DLGAP1: variants seen among roughly 807,000 people sequenced by gnomAD.
The protein encoded by DLGAP1 is DLG associated protein 1.
DLGAP1 carries 11 observed loss-of-function variants against 90.8 expected under a neutral mutation model. That is an observed-to-expected ratio of 0.12 (90% CI 0.08 to 0.20). The LOEUF is 0.20. DLGAP1 is among the 10% of genes least tolerant of loss of function. The probability of loss-of-function intolerance (pLI) is 1.00; values close to 1 mark genes in which losing one functional copy is unlikely to be tolerated. For synonymous variants in DLGAP1, 558 were observed against 540.7 expected, an observed-to-expected ratio of 1.03 and a Z score of -0.44; for missense variants, 1,050 against 1,333.8, an observed-to-expected ratio of 0.79 and a Z score of 3.31.
intron 2 of DLGAP1, among the ~76,000 whole-genome samples, chr18:4,083,961 T>TA (rs2075647762): frequency 6.6e-6 from 1 of 152,106 alleles, no homozygotes; most frequent in African/African-American, 2.4e-5. Flanking sequence ...TGCCTTAGTG[T>TA]ACTGGAAAAA....
intron 1 of DLGAP1, among the ~76,000 whole-genome samples, chr18:4,437,755 C>A (rs12327441): frequency 0.091 from 13,810 of 152,062 alleles, 718 homozygotes; most frequent in Middle Eastern, 0.22. Flanking sequence ...TATATGCAAA[C>A]CTGGCATTTC....
intron 8 of DLGAP1, among the ~76,000 whole-genome samples, chr18:3,576,921 G>A (rs943561748): frequency 2.7e-5 from 4 of 150,382 alleles, no homozygotes; most frequent in African/African-American, 9.8e-5. Flanking sequence ...GGAGTGCAAT[G>A]GCACAATCTC....
chr18:3,583,690 G>C (rs952359977), intron 7 of DLGAP1, among the ~76,000 whole-genome samples: 3 of 152,186 alleles, frequency 2.0e-5, no homozygotes, highest in African/African-American at 7.2e-5. Context: ...GCTCTCGCCT[G>C]TAATCCCAGC....
intron 4 of DLGAP1, among the ~76,000 whole-genome samples, chr18:3,861,771 T>C (rs947703484): frequency 1.3e-5 from 2 of 152,242 alleles, no homozygotes; most frequent in Non-Finnish European, 2.9e-5. Context: ...ACCCTGCTGA[T>C]GTTCCAATCC....
At chr18:4,295,825 GTTA>G (rs1444372394) in intron 1 of DLGAP1, among the ~76,000 whole-genome samples, 4 of 152,194 alleles carry the variant, frequency 2.6e-5, no homozygotes, top group African/African-American at 7.2e-5. Context: ...GTAAGTGTTA[GTTA>G]TTATCATCTT....
intron 2 of DLGAP1, among the ~76,000 whole-genome samples, chr18:4,109,044 C>T (rs2075922457): frequency 6.6e-6 from 1 of 152,162 alleles, no homozygotes; most frequent in Non-Finnish European, 1.5e-5. Flanking sequence ...TGAGTTACTT[C>T]ATTAAACAGT....
intron 3 of DLGAP1, among the ~76,000 whole-genome samples, chr18:3,966,057 T>A (rs948580652): frequency 2.0e-5 from 3 of 150,962 alleles, no homozygotes; most frequent in Admixed American, 2.0e-4. Flanking sequence ...AACAACCATA[T>A]GAATAATTTT....
intron 1 of DLGAP1, among the ~76,000 whole-genome samples, chr18:4,197,927 A>C (rs2077530822): frequency 6.6e-6 from 1 of 152,102 alleles, no homozygotes; most frequent in South Asian, 2.1e-4. Context: ...AAGATGTTTA[A>C]ACCTATTCTT....
intron 2 of DLGAP1, among the ~76,000 whole-genome samples, chr18:4,109,740 T>C (rs1322461699): frequency 6.6e-6 from 1 of 152,160 alleles, no homozygotes; most frequent in Non-Finnish European, 1.5e-5. Flanking sequence ...CTTTAATGAA[T>C]GTAATCACCA....
At chr18:4,347,375 C>T (rs76346034) in intron 1 of DLGAP1, among the ~76,000 whole-genome samples, 6,108 of 151,956 alleles carry the variant, frequency 0.04, 210 homozygotes, top group African/African-American at 0.091. Flanking sequence ...ATACCTAAAC[C>T]TAAAAAACTT....
chr18:3,888,633 A>G (rs907420813), intron 3 of DLGAP1, among the ~76,000 whole-genome samples: 2 of 152,238 alleles, frequency 1.3e-5, no homozygotes, highest in East Asian at 3.9e-4. Context: ...AATCACCTGC[A>G]TCTCCATACA....
chr18:4,099,551 A>G (rs2143855065), intron 2 of DLGAP1, among the ~76,000 whole-genome samples: 1 of 152,290 alleles, frequency 6.6e-6, no homozygotes, highest in Middle Eastern at 3.4e-3. Context: ...AAAATACTTT[A>G]TTGCTAAAAA....
intron 1 of DLGAP1, among the ~76,000 whole-genome samples, chr18:4,331,561 G>T (rs1451622349): frequency 6.6e-6 from 1 of 151,624 alleles, no homozygotes; most frequent in East Asian, 1.9e-4. Context: ...TTAAATACAT[G>T]GCATTATGAC....
At chr18:3,836,994 G>A (rs1382280253) in intron 4 of DLGAP1, among the ~76,000 whole-genome samples, 3 of 152,146 alleles carry the variant, frequency 2.0e-5, no homozygotes, top group Non-Finnish European at 4.4e-5. Context: ...AACTCAGAAC[G>A]AGGGAAAAAA....
At chr18:3,576,062 C>A (rs1364140024) in intron 8 of DLGAP1, among the ~76,000 whole-genome samples, 7 of 152,114 alleles carry the variant, frequency 4.6e-5, no homozygotes, top group Non-Finnish European at 1.0e-4. Flanking sequence ...CAGCCTCGAG[C>A]CCATCTTCTA....
chr18:3,550,138 T>C (rs1375839182), intron 9 of DLGAP1, among the ~76,000 whole-genome samples: 1 of 152,038 alleles, frequency 6.6e-6, no homozygotes, highest in Non-Finnish European at 1.5e-5. Context: ...GGTCTCGAAC[T>C]CCTGACCTCG....
rs74806460 is a variant in DLGAP1 at position 3,941,108 on chromosome 18, C to T, written c.-72-60968G>A. ...TTGGAAATGATGTCTACTAGTTTGCCATACTACTTTAAATGTACAGTAAGG... is the reference window on the plus strand; with the variant it reads ...TTGGAAATGATGTCTACTAGTTTGCTATACTACTTTAAATGTACAGTAAGG... On this transcript the variant is annotated intron_variant, in intron 3 of 12. Coordinates refer to ENST00000315677, the MANE Select transcript of DLGAP1 (RefSeq NM_004746.4). Among the ~76,000 whole-genome samples the T allele has an allele frequency of 5.5e-3, 842 of 152,284 alleles. 10 individuals are homozygous for T. The highest frequency in any genetic ancestry group is 0.027 in the South Asian group (130 of 4,818).
At chr18:4,226,753 A>G (rs1034065316) in intron 1 of DLGAP1, among the ~76,000 whole-genome samples, 1 of 151,626 alleles carries the variant, frequency 6.6e-6, no homozygotes, top group Non-Finnish European at 1.5e-5. Flanking sequence ...CACAAGAGAA[A>G]ATGACCTTCA....
chr18:3,881,500 C>T (rs940776017), intron 3 of DLGAP1, among the ~76,000 whole-genome samples: 8 of 152,176 alleles, frequency 5.3e-5, no homozygotes, highest in African/African-American at 7.2e-5. Context: ...ATCTCTCTTC[C>T]GGCTTATGTT....
Sources: gnomAD v4.1 joint callset for allele counts (sites outside exome capture counted in the v4.1 genomes callset) on GRCh38, gnomAD v4.1.1 for gene constraint, MANE v1.5 for transcripts, NCBI Gene and HGNC (gene_info 2026-07-23, HGNC 2026-07-21) for gene names.